SMAD2: variants seen among roughly 807,000 people sequenced by gnomAD.
The protein encoded by SMAD2 is MAD homolog 2.
A neutral mutation model predicts 64.4 loss-of-function variants in SMAD2; 8 were observed. The ratio of observed to expected loss-of-function variants is 0.12; its 90% CI spans 0.07 to 0.22. The LOEUF is 0.22. SMAD2 is among the 10% of genes least tolerant of loss of function. SMAD2 has a pLI of 1.00. For missense variants in SMAD2, 289 were observed against 561.2 expected, an observed-to-expected ratio of 0.51 and a Z score of 4.90; for synonymous variants, 203 against 195.8, an observed-to-expected ratio of 1.04 and a Z score of -0.31.
chr18:47,899,671 A>C (rs2033603565), intron 1 of SMAD2, among the ~76,000 whole-genome samples: 1 of 152,186 alleles, frequency 6.6e-6, no homozygotes, highest in Admixed American at 6.5e-5. Context: ...CTCTTTATAC[A>C]ATCAACAGAG....
intron 1 of SMAD2, among the ~76,000 whole-genome samples, chr18:47,914,394 T>C (rs1255535186): frequency 1.3e-5 from 2 of 152,172 alleles, no homozygotes; most frequent in Non-Finnish European, 2.9e-5. Context: ...TAAGCAAGAA[T>C]TCCGAATCCT....
intron 1 of SMAD2, among the ~76,000 whole-genome samples, chr18:47,897,084 C>T (rs1212530840): frequency 6.6e-6 from 1 of 152,122 alleles, no homozygotes; most frequent in Non-Finnish European, 1.5e-5. Context: ...TTTTTCACCA[C>T]CAATACTATT....
At chr18:47,855,212 C>A (rs541969611) in intron 6 of SMAD2, among the ~76,000 whole-genome samples, 9 of 152,298 alleles carry the variant, frequency 5.9e-5, no homozygotes, top group African/African-American at 2.2e-4. Flanking sequence ...TACTTGAGGA[C>A]CTGTTGTACA....
chr18:47,898,342 T>C (rs534462961), intron 1 of SMAD2, among the ~76,000 whole-genome samples: 1 of 152,330 alleles, frequency 6.6e-6, no homozygotes, highest in African/African-American at 2.4e-5. Flanking sequence ...GGGTTGCAGA[T>C]ATACCAATAT....
rs932167777 is a variant in SMAD2, at chr18:47,823,673, T to C, written c.*18154A>G. ...GCAAACCAGGACAAAAAGTTGATGA[T>C]TTCAGGCTGTAGACATTTTTCCTAA... On this transcript the variant is annotated 3_prime_UTR_variant, in exon 11 of 11. Transcript: ENST00000262160. 1 of 152,206 alleles carries C rather than the reference T, an allele frequency of 6.6e-6. No individual in the cohort carries two copies. The highest frequency in any genetic ancestry group is 2.4e-5 in the African/African-American group (1 of 41,450). The allele number at this position is 152,206 out of a possible 1,614,324, so 9.4% of individuals were successfully genotyped here.
chr18:47,842,603 C>T (rs1914077778), intron 10 of SMAD2, among the ~76,000 whole-genome samples: 1 of 151,996 alleles, frequency 6.6e-6, no homozygotes, highest in Non-Finnish European at 1.5e-5. Flanking sequence ...TCCAAGCAAA[C>T]CAAGACATAA....
At chr18:47,880,123 A>T (rs1249404001) in intron 2 of SMAD2, among the ~76,000 whole-genome samples, 1 of 152,196 alleles carries the variant, frequency 6.6e-6, no homozygotes, top group African/African-American at 2.4e-5. Context: ...ATTTTTTAAC[A>T]ATGTATTTTA....
intron 6 of SMAD2, among the ~76,000 whole-genome samples, chr18:47,852,555 T>C (rs1474647655): frequency 6.6e-6 from 1 of 152,196 alleles, no homozygotes; most frequent in Non-Finnish European, 1.5e-5. Flanking sequence ...AGCAGCTTTA[T>C]CCTCTGCAAA....
rs566813544 is a variant in SMAD2, at chr18:47,912,858, CAAAAAAAAAAA to C, written c.-53-16060_-53-16050del. Among the ~76,000 whole-genome samples the C allele has an allele frequency of 5.1e-5, 3 of 59,234 alleles. No homozygotes were observed. The South Asian group carries it at 2.2e-3, about 43-fold the overall frequency. The allele number at this position is 59,234 out of a possible 152,430, so 38.9% of individuals were successfully genotyped here. On this transcript the variant is annotated intron_variant, in intron 1 of 10. Transcript: ENST00000262160. ...AAAAATGAAACTTCTGTATAAACAG[CAAAAAAAAAAA>C]AAAAAAAAAAAGGGATTTCCAGCAT...
rs190374249 is a variant in SMAD2 at position 47,915,690 on chromosome 18, C to T, written c.-54+14671G>A. Among the ~76,000 whole-genome samples, 26 of 152,256 alleles carry T rather than the reference C, an allele frequency of 1.7e-4. No homozygotes were observed. The East Asian group carries it at 4.4e-3, about 26-fold the overall frequency. On this transcript the variant is annotated intron_variant, in intron 1 of 10. Transcript: ENST00000262160. Reference sequence around the variant, plus strand: ...TCTACAATTTCTCTAAACTGAGGGTCGCGAACCGTGAGTGGGCATGAAATC... The same window carrying T: ...TCTACAATTTCTCTAAACTGAGGGTTGCGAACCGTGAGTGGGCATGAAATC...
At position 47,837,939 on chromosome 18, in the gene SMAD2, T is replaced by A. The variant is rs748058303; in HGVS notation, c.*3888A>T. On this transcript the variant is annotated 3_prime_UTR_variant, in exon 11 of 11. Transcript: ENST00000262160. The stretch of plus-strand genomic sequence containing the variant: ...GTTACTTTATATCCCAACATAAACC[T>A]ACGCCACCCTCAGACGAAGAGGGTA... 37 of 232,486 alleles carry A rather than the reference T, an allele frequency of 1.6e-4. No individual in the cohort carries two copies. The highest frequency in any genetic ancestry group is 2.8e-4 in the Admixed American group (5 of 17,744). 14.4% of individuals were successfully genotyped at this position (232,486 alleles called of 1,614,324 possible).
intron 8 of SMAD2, among the ~76,000 whole-genome samples, chr18:47,848,235 A>C (rs1914719480): frequency 6.6e-6 from 1 of 152,194 alleles, no homozygotes; most frequent in African/African-American, 2.4e-5. Flanking sequence ...CTTAACACAT[A>C]TTTATTGAAG....
chr18:47,879,495 C>CGTGTGTGT (rs58440360), intron 2 of SMAD2, among the ~76,000 whole-genome samples: 12,803 of 141,302 alleles, frequency 0.091, 668 homozygotes, highest in African/African-American at 0.12. Context: ...ATGTATATGA[C>CGTGTGTGT]GTGTGTGTGT....
rs1392511535 is a variant in SMAD2 at position 47,813,195 on chromosome 18, G to A, written c.*28632C>T. The A allele has an allele frequency of 2.0e-5, 3 of 152,108 alleles. No individual in the cohort carries two copies. Among genetic ancestry groups the A allele is most frequent in the African/African-American group, 7.2e-5 (3 of 41,418 alleles). The allele number at this position is 152,108 out of a possible 1,614,324, so 9.4% of individuals were successfully genotyped here. A position where few individuals can be genotyped will look rare whatever the true frequency, so the allele number is the denominator to read the frequency against. ...TGTGCCATTGCACTCCAGCCTGAGT[G>A]ATGAAACTTGGTCTCAAAAATAACT... On this transcript the variant is annotated 3_prime_UTR_variant, in exon 11 of 11. Coordinates refer to ENST00000262160, the MANE Select transcript of SMAD2 (RefSeq NM_005901.6).
chr18:47,886,587 A>ATCTATCTG (rs2032918069), intron 2 of SMAD2, among the ~76,000 whole-genome samples: 1 of 151,602 alleles, frequency 6.6e-6, no homozygotes, highest in Non-Finnish European at 1.5e-5. Context: ...CTATCTATCT[A>ATCTATCTG]TCTATCTATC....
chr18:47,819,927 G>C lies in SMAD2; in HGVS notation c.*21900C>G, dbSNP rs925427217. 6.6e-6 allele frequency: 1 copy of C among 152,168 alleles called. No homozygotes were observed. Among genetic ancestry groups the C allele is most frequent in the Admixed American group, 6.6e-5 (1 of 15,234 alleles). 9.4% of individuals were successfully genotyped at this position (152,168 alleles called of 1,614,324 possible). Reference sequence around the variant, plus strand: ...CGGAGGCAGGAGGATTGTGTGAGTTGGAGTTTGAGGCTGCAGTGTGCTACA... The same window carrying C: ...CGGAGGCAGGAGGATTGTGTGAGTTCGAGTTTGAGGCTGCAGTGTGCTACA... On this transcript the variant is annotated 3_prime_UTR_variant, in exon 11 of 11. Transcript: ENST00000262160.
At chr18:47,856,141 GT>G (rs35798864) in intron 6 of SMAD2, among the ~76,000 whole-genome samples, 81,682 of 148,388 alleles carry the variant, frequency 0.55, 22,617 homozygotes, top group East Asian at 0.82. Context: ...CATATGTGGG[GT>G]TTTTTTTTTT....
rs2144264390 is a variant in SMAD2, at chr18:47,836,840, A to G, written c.*4987T>C. 1 of 216,220 alleles carries G rather than the reference A, an allele frequency of 4.6e-6. No individual in the cohort carries two copies. Among genetic ancestry groups the G allele is most frequent in the East Asian group, 6.8e-5 (1 of 14,676 alleles). 13.4% of individuals were successfully genotyped at this position (216,220 alleles called of 1,614,324 possible). A position where few individuals can be genotyped will look rare whatever the true frequency, so the allele number is the denominator to read the frequency against. On this transcript the variant is annotated 3_prime_UTR_variant, in exon 11 of 11. Coordinates refer to ENST00000262160, the MANE Select transcript of SMAD2 (RefSeq NM_005901.6). ...AAACACAGGAATTCCACTCCAAGAG[A>G]TAATTTGCCCCTCAATCCCTACAAA... is the stretch of plus-strand genomic sequence containing the variant.
intron 2 of SMAD2, among the ~76,000 whole-genome samples, chr18:47,885,843 TC>T (rs1351459557): frequency 6.6e-6 from 1 of 152,068 alleles, no homozygotes; most frequent in African/African-American, 2.4e-5. Context: ...ACAATTGTAA[TC>T]CCAGGTATTC....
Sources: gnomAD v4.1 joint callset for allele counts (sites outside exome capture counted in the v4.1 genomes callset) on GRCh38, gnomAD v4.1.1 for gene constraint, MANE v1.5 for transcripts, NCBI Gene and HGNC (gene_info 2026-07-23, HGNC 2026-07-21) for gene names.